The following CNTN5 variants were observed in gnomAD, a reference collection of about 807,000 sequenced individuals.
CNTN5 encodes the protein contactin-5.
CNTN5 carries 77 observed loss-of-function variants against 129.1 expected under a neutral mutation model. The ratio of observed to expected loss-of-function variants is 0.60; its 90% CI spans 0.50 to 0.72. CNTN5 has a LOEUF of 0.72. CNTN5 is among the 30% of genes least tolerant of loss of function. The pLI, the probability that CNTN5 is intolerant of heterozygous loss-of-function variation, is 0.00. For missense variants in CNTN5, 1,478 were observed against 1,328.8 expected (o/e 1.11, Z -1.75); for synonymous variants, 509 against 465.6 (o/e 1.09, Z -1.20).
chr11:99,112,188 T>G (rs1234436363), intron 1 of CNTN5, among the ~76,000 whole-genome samples: 7 of 152,142 alleles, frequency 4.6e-5, no homozygotes, highest in African/African-American at 1.7e-4. Flanking sequence ...CACACTGAAT[T>G]TTATTGTTTA....
Position 100,237,172 on chromosome 11 carries a change from G to A in CNTN5, c.2005+12360G>A, listed in dbSNP as rs540457928. On this transcript the variant is annotated intron_variant, in intron 16 of 24. Transcript: ENST00000524871. Reference sequence around the variant, plus strand: ...GCACTGCACTCCAGCCTGGGCGACAGAGCAAGACTCCGTCTCAAAAAAAAA... The same window carrying A: ...GCACTGCACTCCAGCCTGGGCGACAAAGCAAGACTCCGTCTCAAAAAAAAA... Among the ~76,000 whole-genome samples the A allele has an allele frequency of 2.9e-4, 38 of 132,426 alleles. 1 individual carries two copies. In the South Asian group the frequency reaches 9.0e-3, roughly 31 times the overall value. The allele number at this position is 132,426 out of a possible 152,430, so 86.9% of individuals were successfully genotyped here.
At chr11:99,610,165 T>A (rs766986209) in intron 3 of CNTN5, among the ~76,000 whole-genome samples, 4 of 152,160 alleles carry the variant, frequency 2.6e-5, no homozygotes. Flanking sequence ...CTTAGCATAA[T>A]GTATGACATA....
chr11:99,859,253 T>C (rs1408195939), intron 6 of CNTN5, among the ~76,000 whole-genome samples: 4 of 152,238 alleles, frequency 2.6e-5, no homozygotes, highest in Admixed American at 2.6e-4. Context: ...ATATCCTCTT[T>C]ATGGTCACAC....
intron 1 of CNTN5, among the ~76,000 whole-genome samples, chr11:99,226,513 C>T (rs1014701230): frequency 6.6e-6 from 1 of 152,126 alleles, no homozygotes; most frequent in African/African-American, 2.4e-5. Context: ...CTGTCTTTCC[C>T]TTACATATCT....
chr11:99,740,659 C>G (rs1173456250), intron 3 of CNTN5, among the ~76,000 whole-genome samples: 1 of 152,130 alleles, frequency 6.6e-6, no homozygotes, highest in Non-Finnish European at 1.5e-5. Context: ...GCCACACCCT[C>G]AGCAGGCATC....
intron 1 of CNTN5, among the ~76,000 whole-genome samples, chr11:99,040,015 C>A (rs1310755420): frequency 1.3e-5 from 2 of 152,032 alleles, no homozygotes; most frequent in African/African-American, 4.8e-5. Context: ...ACTGACGGTT[C>A]AGTTTCATGA....
At chr11:99,408,448 G>GAAAGAA (rs71305322) in intron 2 of CNTN5, among the ~76,000 whole-genome samples, 120 of 78,118 alleles carry the variant, frequency 1.5e-3, no homozygotes, top group South Asian at 2.7e-3. Context: ...AAGAAAGAAA[G>GAAAGAA]AGAAAGAAAG....
At chr11:99,406,032 C>T (rs1227594283) in intron 2 of CNTN5, among the ~76,000 whole-genome samples, 1 of 151,790 alleles carries the variant, frequency 6.6e-6, no homozygotes, top group Non-Finnish European at 1.5e-5. Context: ...ATCTCTGTTT[C>T]TCTAGGATTG....
At position 99,677,241 on chromosome 11, in the gene CNTN5, G is replaced by A. The variant is rs182189574; in HGVS notation, c.55+120972G>A. 2.5e-3 allele frequency among the ~76,000 whole-genome samples: 377 copies of A among 152,168 alleles called. 2 individuals carry two copies. The highest frequency in any genetic ancestry group is 8.4e-3 in the African/African-American group (347 of 41,532). On this transcript the variant is annotated intron_variant, in intron 3 of 24. Transcript: ENST00000524871. The stretch of plus-strand genomic sequence containing the variant: ...CAGACAGGAGAAAATAATGTATCTT[G>A]TTTTCTCTAATTATCTTCTCTGTTT...
At chr11:99,427,050 G>A (rs1006066958) in intron 2 of CNTN5, among the ~76,000 whole-genome samples, 3 of 152,198 alleles carry the variant, frequency 2.0e-5, no homozygotes, top group East Asian at 1.9e-4. Flanking sequence ...GCCAGTTACC[G>A]AAAGGCAGAA....
At chr11:99,995,986 T>C (rs990040755) in intron 8 of CNTN5, among the ~76,000 whole-genome samples, 10 of 152,218 alleles carry the variant, frequency 6.6e-5, no homozygotes, top group Non-Finnish European at 1.5e-4. Context: ...TGTGGTCAGA[T>C]ACTTTCTTCT....
chr11:99,253,631 C>T (rs1014675249), intron 1 of CNTN5, among the ~76,000 whole-genome samples: 2 of 151,632 alleles, frequency 1.3e-5, no homozygotes, highest in African/African-American at 4.8e-5. Flanking sequence ...TTGACTCTTC[C>T]CACCCCTGAA....
intron 1 of CNTN5, among the ~76,000 whole-genome samples, chr11:99,285,247 G>A (rs895396446): frequency 1.6e-4 from 24 of 152,096 alleles, no homozygotes; most frequent in African/African-American, 5.6e-4. Context: ...CTAAGGGAAA[G>A]ATCTATTGGA....
intron 1 of CNTN5, among the ~76,000 whole-genome samples, chr11:99,166,357 C>T (rs979930989): frequency 4.1e-5 from 6 of 147,106 alleles, no homozygotes; most frequent in Admixed American, 6.9e-5. Flanking sequence ...GCCAAGATTG[C>T]GCCATTGCAC....
At chr11:100,136,721 A>G (rs1946536145) in intron 13 of CNTN5, among the ~76,000 whole-genome samples, 1 of 151,926 alleles carries the variant, frequency 6.6e-6, no homozygotes, top group South Asian at 2.1e-4. Flanking sequence ...TATGCCCAGT[A>G]TGGATTTATT....
intron 2 of CNTN5, among the ~76,000 whole-genome samples, chr11:99,326,961 G>T (rs1160198380): frequency 2.0e-5 from 3 of 152,010 alleles, no homozygotes; most frequent in African/African-American, 7.2e-5. Flanking sequence ...TCTGTATTCT[G>T]TCTATAAACG....
At chr11:100,329,809 C>A (rs1287454899) in intron 21 of CNTN5, among the ~76,000 whole-genome samples, 2 of 152,160 alleles carry the variant, frequency 1.3e-5, no homozygotes, top group South Asian at 2.1e-4. Flanking sequence ...CCCCATAGGA[C>A]AAAAGAACCT....
At position 100,280,131 on chromosome 11, in the gene CNTN5, G is replaced by C. The variant is rs546008109; in HGVS notation, c.2314+8890G>C. 8.6e-5 allele frequency among the ~76,000 whole-genome samples: 13 copies of C among 151,728 alleles called. No homozygotes were observed. The South Asian group carries it at 2.7e-3, about 32-fold the overall frequency. On this transcript the variant is annotated intron_variant, in intron 18 of 24. Transcript: ENST00000524871. Reference sequence around the variant, plus strand: ...TGGCCTATCCTTGAGAATAACCTATGTGCTGAGGAAAAGAATGTGTATTCA... The same window carrying C: ...TGGCCTATCCTTGAGAATAACCTATCTGCTGAGGAAAAGAATGTGTATTCA...
chr11:99,489,997 A>AT (rs1359746079), intron 2 of CNTN5, among the ~76,000 whole-genome samples: 1 of 152,194 alleles, frequency 6.6e-6, no homozygotes, highest in Non-Finnish European at 1.5e-5. Flanking sequence ...TAACTCTTTT[A>AT]TTATATCTGG....
Sources: gnomAD v4.1 joint callset for allele counts (sites outside exome capture counted in the v4.1 genomes callset) on GRCh38, gnomAD v4.1.1 for gene constraint, MANE v1.5 for transcripts, NCBI Gene and HGNC (gene_info 2026-07-23, HGNC 2026-07-21) for gene names.